The following C10orf90 variants were observed in gnomAD, a reference collection of about 807,000 sequenced individuals.
C10orf90 encodes the protein chromosome 10 open reading frame 90, also known as (E2-independent) E3 ubiquitin-conjugating enzyme FATS.
In C10orf90, 56 loss-of-function variants were observed where a neutral mutation model predicts 62.5. The observed-to-expected ratio is 0.90, with a 90% CI of 0.72 to 1.12. C10orf90 has a LOEUF of 1.12. Among genes scored for constraint, C10orf90 ranks in the 50% most tolerant of loss-of-function variants. The probability of loss-of-function intolerance (pLI) is 0.00; values close to 1 mark genes in which losing one functional copy is unlikely to be tolerated. For missense variants in C10orf90, 970 were observed against 880.4 expected, an observed-to-expected ratio of 1.10 and a Z score of -1.29; for synonymous variants, 386 against 340.4, an observed-to-expected ratio of 1.13 and a Z score of -1.47.
At chr10:126,444,073 A>G (rs989075724) in intron 7 of C10orf90, among the ~76,000 whole-genome samples, 2 of 152,140 alleles carry the variant, frequency 1.3e-5, no homozygotes, top group Non-Finnish European at 2.9e-5. Flanking sequence ...AAAATACTGA[A>G]TGGGGAAAAG....
At chr10:126,585,509 AAG>A (rs1844852493) in intron 2 of C10orf90, among the ~76,000 whole-genome samples, 1 of 151,024 alleles carries the variant, frequency 6.6e-6, no homozygotes, top group Non-Finnish European at 1.5e-5. Flanking sequence ...AGAAAGAAAA[AAG>A]AGCAGAAAGA....
In C10orf90 at chr10:126,504,580, A is replaced by G; in HGVS notation, c.911T>C (p.Leu304Pro). 1 of 1,614,104 alleles carries G rather than the reference A, an allele frequency of 6.2e-7. No homozygotes were observed. Among genetic ancestry groups the G allele is most frequent in the Non-Finnish European group, 8.5e-7 (1 of 1,179,994 alleles). ...EFSRNSSVVR[L>P]KVPEAHTGLC... ...CCCAGTGTGGGCCTCGGGAACCTTC[A>G]GCCGCACCACGGAGCTGTTTCTGGA... Residue 304 changes from leucine to proline, a missense_variant, in exon 4 of 10, where the codon CTG (leucine) becomes CCG (proline). Transcript: ENST00000488181. The surrounding 1 kb of genome is among the most constrained non-coding windows in gnomAD (Gnocchi z 4.1).
intron 2 of C10orf90, among the ~76,000 whole-genome samples, chr10:126,536,378 G>A (rs1345981875): frequency 3.3e-5 from 5 of 152,298 alleles, no homozygotes; most frequent in East Asian, 1.9e-4. Flanking sequence ...AAGATTTCAG[G>A]AAACGGCAAG....
chr10:126,520,608 C>T lies in C10orf90; in HGVS notation c.314-6669G>A, dbSNP rs186583524. ...ACATGGCCCCCAAGCTGGATTGGTG[C>T]CTGCGTTCGTTCCCAGCGCTGCTGT... is the stretch of plus-strand genomic sequence containing the variant. On this transcript the variant is annotated intron_variant, in intron 2 of 9. Coordinates refer to ENST00000488181, the MANE Select transcript of C10orf90 (RefSeq NM_001350921.2). The T allele has an allele frequency of 4.2e-3, 646 of 152,436 alleles. 7 individuals carry two copies. Among genetic ancestry groups the T allele is most frequent in the South Asian group, 0.025 (120 of 4,826 alleles). 9.4% of individuals were successfully genotyped at this position (152,436 alleles called of 1,614,324 possible).
At chr10:126,584,947 C>A (rs1039733342) in intron 2 of C10orf90, among the ~76,000 whole-genome samples, 2 of 151,918 alleles carry the variant, frequency 1.3e-5, no homozygotes, top group African/African-American at 2.4e-5. Flanking sequence ...CATGCACTAC[C>A]CCCACTAGGT....
Position 126,504,099 on chromosome 10 carries a change from T to C in C10orf90, c.1392A>G (p.Pro464=), listed in dbSNP as rs368536564. ...CATTTGCCAATTCTGTGTTTTCCAA[T>C]GGAAAAGAACCACTCCAAGGACAAG... The part of the protein sequence containing the change: ...TGACPWSGSF[P]LENTELANVG... Residue 464 remains proline (P), a synonymous_variant, in exon 4 of 10, where the codon CCA becomes CCG. Transcript: ENST00000488181. This position sits in a 1 kb window ranked among gnomAD's most constrained non-coding sequence, Gnocchi z 4.1. 2.1e-5 allele frequency: 34 copies of C among 1,613,914 alleles called. No homozygotes were observed. Among genetic ancestry groups the C allele is most frequent in the Non-Finnish European group, 2.9e-5 (34 of 1,180,012 alleles).
At chr10:126,490,329 A>G (rs1003227719) in intron 4 of C10orf90, among the ~76,000 whole-genome samples, 3 of 151,650 alleles carry the variant, frequency 2.0e-5, no homozygotes, top group Non-Finnish European at 4.4e-5. Flanking sequence ...GGTCACATTC[A>G]CAGACAGAAA....
At chr10:126,535,411 G>A (rs1038008732) in intron 2 of C10orf90, among the ~76,000 whole-genome samples, 20 of 151,870 alleles carry the variant, frequency 1.3e-4, no homozygotes, top group Admixed American at 1.3e-3. Flanking sequence ...CAGCTACGTG[G>A]GAGGCTGAGG....
At chr10:126,605,538 C>T (rs1186511706) in intron 2 of C10orf90, among the ~76,000 whole-genome samples, 2 of 152,244 alleles carry the variant, frequency 1.3e-5, no homozygotes, top group Non-Finnish European at 2.9e-5. Context: ...CCTGGCAAGA[C>T]ATCCAGGAGA....
chr10:126,629,838 C>T (rs1465133346), intron 2 of C10orf90, among the ~76,000 whole-genome samples: 1 of 150,928 alleles, frequency 6.6e-6, no homozygotes, highest in Non-Finnish European at 1.5e-5. Context: ...ACAGGCCAGG[C>T]AGAGCAGGAT....
chr10:126,635,927 C>A (rs1447284049), intron 2 of C10orf90, among the ~76,000 whole-genome samples: 8 of 152,086 alleles, frequency 5.3e-5, no homozygotes, highest in African/African-American at 1.9e-4. Flanking sequence ...CACTTCACAA[C>A]TGAATCTCTC....
At position 126,637,860 on chromosome 10, in the gene C10orf90, T is replaced by C. The variant is rs562862805; in HGVS notation, c.313+8705A>G. Among the ~76,000 whole-genome samples the C allele has an allele frequency of 7.4e-4, 113 of 152,232 alleles. 1 individual carries two copies. The Middle Eastern group carries it at 0.014, about 18-fold the overall frequency. The stretch of plus-strand genomic sequence containing the variant: ...AGGGTCTTAAGCAGGGGTGGTGTGG[T>C]CCGAGCAGGTCATTCTGGCTGTAGA... On this transcript the variant is annotated intron_variant, in intron 2 of 9. Transcript: ENST00000488181.
chr10:126,505,423 T>C (rs958900043), intron 3 of C10orf90, among the ~76,000 whole-genome samples: 5 of 152,172 alleles, frequency 3.3e-5, no homozygotes, highest in Non-Finnish European at 4.4e-5. Context: ...GAATACAGGC[T>C]CATATCCTCA....
chr10:126,540,572 T>A (rs1410235646), intron 2 of C10orf90, among the ~76,000 whole-genome samples: 1 of 150,506 alleles, frequency 6.6e-6, no homozygotes, highest in African/African-American at 2.4e-5. Flanking sequence ...GGTAGAAGAA[T>A]CACTTGAGCC....
intron 7 of C10orf90, among the ~76,000 whole-genome samples, chr10:126,457,767 G>T (rs1859677560): frequency 6.6e-6 from 1 of 152,154 alleles, no homozygotes; most frequent in Non-Finnish European, 1.5e-5. Context: ...TGCTGGCTTT[G>T]GTCCTCACAG....
intron 2 of C10orf90, among the ~76,000 whole-genome samples, chr10:126,621,855 A>G (rs531508291): frequency 6.6e-6 from 1 of 152,242 alleles, no homozygotes; most frequent in African/African-American, 2.4e-5. Flanking sequence ...TTCATGCTTG[A>G]CGATTATTTT....
At chr10:126,446,223 A>G (rs973336652) in intron 7 of C10orf90, among the ~76,000 whole-genome samples, 1 of 152,148 alleles carries the variant, frequency 6.6e-6, no homozygotes, top group Non-Finnish European at 1.5e-5. Flanking sequence ...CTTATTTAAA[A>G]ATGTACCAAA....
intron 2 of C10orf90, among the ~76,000 whole-genome samples, chr10:126,516,750 A>G (rs1211034885): frequency 6.6e-6 from 1 of 152,186 alleles, no homozygotes; most frequent in African/African-American, 2.4e-5. Flanking sequence ...GGTATGCTCC[A>G]GTTCTAGAGT....
chr10:126,558,496 C>T (rs1389645093), intron 2 of C10orf90, among the ~76,000 whole-genome samples: 1 of 152,200 alleles, frequency 6.6e-6, no homozygotes, highest in Non-Finnish European at 1.5e-5. Flanking sequence ...GCTGTGCACC[C>T]CCTCACCTTG....
Sources: gnomAD v4.1 joint callset for allele counts (sites outside exome capture counted in the v4.1 genomes callset) on GRCh38, gnomAD v4.1.1 for gene constraint, Gnocchi (gnomAD v3.1) non-coding constraint, MANE v1.5 for transcripts, NCBI Gene and HGNC (gene_info 2026-07-23, HGNC 2026-07-21) for gene names.